TIPIN: variants seen among roughly 807,000 people sequenced by gnomAD.
TIPIN encodes the protein TIMELESS-interacting protein.
Under a neutral mutation model 35.6 loss-of-function variants are expected in TIPIN, and 29 were observed. That is an observed-to-expected ratio of 0.82 (90% CI 0.61 to 1.11). TIPIN has a LOEUF of 1.11. Among genes scored for constraint, TIPIN ranks in the 50% most tolerant of loss-of-function variants. TIPIN has a pLI of 0.00. For missense variants in TIPIN, 296 were observed against 345.4 expected (o/e 0.86, Z 1.13); for synonymous variants, 102 against 121.5 (o/e 0.84, Z 1.06).
In TIPIN at chr15:66,337,196, A is replaced by G. The variant is rs373620452; in HGVS notation, c.683-15T>C. 153 of 1,604,192 alleles carry G rather than the reference A, an allele frequency of 9.5e-5. No individual in the cohort carries two copies. The highest frequency in any genetic ancestry group is 1.2e-4 in the Non-Finnish European group (143 of 1,172,854). ...CATTAACATATCTGAAAGAAATCAT[A>G]CCATTATTATTCATTATAAGTACCT... On this transcript the variant is annotated splice_polypyrimidine_tract_variant and intron_variant, in intron 7 of 7. Transcript: ENST00000261881.
At chr15:66,340,262 C>T (rs543871885) in intron 7 of TIPIN, among the ~76,000 whole-genome samples, 2 of 142,020 alleles carry the variant, frequency 1.4e-5, no homozygotes, top group African/African-American at 5.3e-5. Context: ...ACTGCAACCT[C>T]TGCCTCCTGG....
chr15:66,352,856 G>A lies in TIPIN; in HGVS notation c.92C>T (p.Ser31Phe), dbSNP rs150893823. 1.2e-6 allele frequency: 2 copies of A among 1,613,464 alleles called. No individual in the cohort carries two copies. The highest frequency in any genetic ancestry group is 2.2e-5 in the East Asian group (1 of 44,870). Residue 31 changes from serine to phenylalanine, a missense_variant, in exon 2 of 8, where the codon TCT becomes TTT. Ser to Phe is a radical substitution (Grantham distance 155). Coordinates refer to ENST00000261881, the MANE Select transcript of TIPIN (RefSeq NM_017858.3). ...ETFPPFPPPASPERQDGEGTE... is the reference protein window; with the variant it reads ...ETFPPFPPPAFPERQDGEGTE... ...TCCTTCACCATCTTGTCTCTCTGGA[G>A]AGGCTGGAGGTGGGAAAGGAGGAAA...
chr15:66,339,299 CG>C (rs1486615945), intron 7 of TIPIN, among the ~76,000 whole-genome samples: 3 of 148,722 alleles, frequency 2.0e-5, no homozygotes, highest in Admixed American at 6.8e-5. Flanking sequence ...TTTGTAGAGA[CG>C]GGGACTCACT....
At chr15:66,352,004 TAAAAAA>T (rs963949806) in intron 3 of TIPIN, 119 bp downstream of exon 3, 6 of 754,630 alleles carry the variant, frequency 8.0e-6, no homozygotes, top group Non-Finnish European at 1.2e-5. Flanking sequence ...TCTGCTGAAC[TAAAAAA>T]AAGTTTTTAG....
intron 1 of TIPIN, among the ~76,000 whole-genome samples, chr15:66,372,873 A>G (rs1721624776): frequency 6.6e-6 from 1 of 152,074 alleles, no homozygotes; most frequent in African/African-American, 2.4e-5. Context: ...ACTGCATTCC[A>G]GCCTGGGTGA....
chr15:66,379,154 G>T, intron 1 of TIPIN: 1 of 778,552 alleles, frequency 1.3e-6, no homozygotes, highest in South Asian at 1.9e-5. Flanking sequence ...CTCCCAAAAT[G>T]CTGGAATCAC....
rs1433214209 is a variant in TIPIN, at chr15:66,341,566, AGACC to A, written c.476-214_476-211del. 0.031 allele frequency among the ~76,000 whole-genome samples: 10 copies of A among 318 alleles called. 2 individuals carry two copies. The Non-Finnish European group carries it at 1, about 32-fold the overall frequency. The allele number at this position is 318 out of a possible 152,430, so 0.2% of individuals were successfully genotyped here. A position where few individuals can be genotyped will look rare whatever the true frequency, so the allele number is the denominator to read the frequency against. On this transcript the variant is annotated intron_variant, in intron 6 of 7. Transcript: ENST00000261881. ...GGCGGATCACGAGGTCAGGAGATCG[AGACC>A]ATCCCGGCTAACACGGTGAAACCCC...
Position 66,366,923 on chromosome 15 carries a change from T to C in TIPIN, c.-8-13968A>G, listed in dbSNP as rs2140485229. On this transcript the variant is annotated intron_variant, in intron 1 of 7. Transcript: ENST00000562124. ...TTGGCTGGGCATGGTGGCTCATACCTGTAATCCCACCACTTTGGGAGGCCA... is the reference window on the plus strand; with the variant it reads ...TTGGCTGGGCATGGTGGCTCATACCCGTAATCCCACCACTTTGGGAGGCCA... 4.1e-6 allele frequency: 4 copies of C among 983,666 alleles called. No individual in the cohort carries two copies. In the South Asian group the frequency reaches 1.9e-4, roughly 46 times the overall value. The allele number at this position is 983,666 out of a possible 1,614,324, so 60.9% of individuals were successfully genotyped here. A position where few individuals can be genotyped will look rare whatever the true frequency, so the allele number is the denominator to read the frequency against.
chr15:66,348,008 C>CTTTTTTTT (rs543925918), intron 6 of TIPIN, among the ~76,000 whole-genome samples: 4 of 135,504 alleles, frequency 3.0e-5, no homozygotes, highest in South Asian at 2.2e-4. Flanking sequence ...TTCTTTCTTT[C>CTTTTTTTT]TTTTTTTTTT....
intron 1 of TIPIN, among the ~76,000 whole-genome samples, chr15:66,380,175 G>C (rs1326339574): frequency 6.7e-6 from 1 of 150,356 alleles, no homozygotes; most frequent in Non-Finnish European, 1.5e-5. Context: ...CTAATTTTTT[G>C]TATTTTTAGT....
intron 1 of TIPIN, chr15:66,386,466 G>C (rs760581084): frequency 3.3e-5 from 5 of 152,524 alleles, no homozygotes; most frequent in Non-Finnish European, 7.3e-5. Context: ...GGGCTCAAAG[G>C]AGCCTCTCGA....
chr15:66,369,737 G>T (rs1249090040), intron 1 of TIPIN, among the ~76,000 whole-genome samples: 1 of 152,118 alleles, frequency 6.6e-6, no homozygotes, highest in Non-Finnish European at 1.5e-5. Context: ...CAAATTCTCA[G>T]CTCTCTATAA....
At chr15:66,363,573 C>T (rs1014717295) in intron 1 of TIPIN, among the ~76,000 whole-genome samples, 9 of 151,300 alleles carry the variant, frequency 5.9e-5, no homozygotes, top group East Asian at 2.0e-4. Context: ...ACCTGGGAGG[C>T]GGAGATTGCA....
intron 6 of TIPIN, chr15:66,347,231 A>T (rs761648737): frequency 3.9e-6 from 2 of 517,496 alleles, no homozygotes; most frequent in South Asian, 2.8e-5. Context: ...TCGCACAGAA[A>T]ATCTGATAAC....
chr15:66,352,436 G>A (rs1401211956), intron 2 of TIPIN, among the ~76,000 whole-genome samples: 1 of 152,090 alleles, frequency 6.6e-6, no homozygotes, highest in Admixed American at 6.6e-5. Flanking sequence ...GTACCTGGAA[G>A]TACAGGTGCT....
At chr15:66,368,199 G>C (rs1175285176) in intron 1 of TIPIN, among the ~76,000 whole-genome samples, 2 of 151,840 alleles carry the variant, frequency 1.3e-5, no homozygotes, top group Non-Finnish European at 2.9e-5. Flanking sequence ...ATACATCATG[G>C]GCATTATAGG....
rs1595798306 is a variant in TIPIN at position 66,352,025 on chromosome 15, A to G, written c.212+104T>C. 3.2e-6 allele frequency: 3 copies of G among 945,690 alleles called. No homozygotes were observed. In the East Asian group the frequency reaches 8.8e-5, roughly 28 times the overall value. The allele number at this position is 945,690 out of a possible 1,614,324, so 58.6% of individuals were successfully genotyped here. ...GAACTAAAAAAAAGTTTTTAGAAATATAAGAGCTCCACATCATACCAACCA... is the reference window on the plus strand; with the variant it reads ...GAACTAAAAAAAAGTTTTTAGAAATGTAAGAGCTCCACATCATACCAACCA... On this transcript the variant is annotated intron_variant, in intron 3 of 7. Transcript: ENST00000261881.
chr15:66,338,593 T>A (rs2093061405), intron 7 of TIPIN, among the ~76,000 whole-genome samples: 1 of 151,774 alleles, frequency 6.6e-6, no homozygotes, highest in Non-Finnish European at 1.5e-5. Flanking sequence ...GGTGGGTGGA[T>A]CACGAGGTTA....
intron 6 of TIPIN, among the ~76,000 whole-genome samples, chr15:66,348,554 G>A (rs529976574): frequency 6.6e-6 from 1 of 151,810 alleles, no homozygotes; most frequent in Non-Finnish European, 1.5e-5. Flanking sequence ...TGGGCATGGT[G>A]GCGCATGCCT....
Sources: gnomAD v4.1 joint callset for allele counts (sites outside exome capture counted in the v4.1 genomes callset) on GRCh38, gnomAD v4.1.1 for gene constraint, MANE v1.5 for transcripts, NCBI Gene and HGNC (gene_info 2026-07-23, HGNC 2026-07-21) for gene names.